The following MKLN1 variants were observed in gnomAD, a reference collection of about 807,000 sequenced individuals.
MKLN1 encodes muskelin.
MKLN1 carries 18 observed loss-of-function variants against 99.0 expected under a neutral mutation model. The ratio of observed to expected loss-of-function variants is 0.18; its 90% CI spans 0.13 to 0.27. The LOEUF is 0.27. Ranked by LOEUF, MKLN1 falls within the 10% of genes least tolerant of loss-of-function variation. The probability of loss-of-function intolerance (pLI) is 1.00; values close to 1 mark genes in which losing one functional copy is unlikely to be tolerated. For synonymous variants in MKLN1, 288 were observed against 293.2 expected (o/e 0.98, Z 0.18); for missense variants, 621 against 875.9 (o/e 0.71, Z 3.67).
chr7:131,375,333 A>G (rs961572102), intron 1 of MKLN1, 91 bp from the exon 2 acceptor site: 8 of 813,122 alleles, frequency 9.8e-6, no homozygotes. Context: ...CAAACATTAC[A>G]TAACTTTATG....
intron 8 of MKLN1, among the ~76,000 whole-genome samples, chr7:131,419,873 C>T (rs1795139693): frequency 6.6e-6 from 1 of 152,080 alleles, no homozygotes; most frequent in Admixed American, 6.5e-5. Flanking sequence ...AACCTACATG[C>T]AGAGTGAAGT....
intron 3 of MKLN1, among the ~76,000 whole-genome samples, chr7:131,293,852 A>G (rs1798254965): frequency 6.6e-6 from 1 of 152,108 alleles, no homozygotes; most frequent in Non-Finnish European, 1.5e-5. Flanking sequence ...ATGAAAAGCA[A>G]ATAAAGTAGG....
chr7:131,133,131 G>T (rs149569183), intron 1 of MKLN1, among the ~76,000 whole-genome samples: 1 of 151,576 alleles, frequency 6.6e-6, no homozygotes, highest in East Asian at 1.9e-4. Flanking sequence ...TTGTGGGGTA[G>T]CAGGCTCACT....
At chr7:131,340,540 A>G (rs560468347) in intron 1 of MKLN1, among the ~76,000 whole-genome samples, 23 of 152,034 alleles carry the variant, frequency 1.5e-4, no homozygotes, top group Non-Finnish European at 2.4e-4. Context: ...TGGCCTCCCA[A>G]AGTGCTGGGA....
chr7:131,375,364 ATTAT>A, intron 1 of MKLN1, 56 bp from the exon 2 acceptor site: 1 of 1,030,330 alleles, frequency 9.7e-7, no homozygotes, highest in Non-Finnish European at 1.5e-6. Flanking sequence ...CATCTGGTAG[ATTAT>A]TCCTGTTTTT....
intron 2 of MKLN1, among the ~76,000 whole-genome samples, chr7:131,376,514 C>T (rs1307587747): frequency 6.6e-5 from 10 of 151,116 alleles, no homozygotes; most frequent in Admixed American, 5.3e-4. Context: ...TGGTGGCACA[C>T]GCCTATAGTC....
At chr7:131,294,960 G>A (rs1230389946) in intron 3 of MKLN1, among the ~76,000 whole-genome samples, 2 of 152,116 alleles carry the variant, frequency 1.3e-5, no homozygotes, top group Non-Finnish European at 2.9e-5. Context: ...GAGGACGACG[G>A]GAGGATGGGG....
intron 4 of MKLN1, among the ~76,000 whole-genome samples, chr7:131,393,436 A>T (rs1224566611): frequency 6.6e-6 from 1 of 152,122 alleles, no homozygotes; most frequent in South Asian, 2.1e-4. Context: ...AATTAATTAT[A>T]TTGTTTATTC....
chr7:131,446,924 A>G (rs1392909529), intron 12 of MKLN1, among the ~76,000 whole-genome samples: 1 of 152,252 alleles, frequency 6.6e-6, no homozygotes, highest in African/African-American at 2.4e-5. Flanking sequence ...GGAGGTTTCC[A>G]GATAAAAGTA....
intron 3 of MKLN1, among the ~76,000 whole-genome samples, chr7:131,271,062 T>G (rs990917811): frequency 6.6e-6 from 1 of 152,102 alleles, no homozygotes; most frequent in Non-Finnish European, 1.5e-5. Context: ...GAAATAAAAA[T>G]ATAAGATTCG....
chr7:131,136,393 C>T (rs1353446683), intron 1 of MKLN1, among the ~76,000 whole-genome samples: 3 of 152,046 alleles, frequency 2.0e-5, no homozygotes, highest in African/African-American at 4.8e-5. Flanking sequence ...GGAGATGGAC[C>T]AAGTGGTCGC....
Position 131,142,837 on chromosome 7 carries a change from C to T in MKLN1, c.-401C>T, listed in dbSNP as rs1795756698. On this transcript the variant is annotated 5_prime_UTR_variant, in exon 2 of 8. Coordinates refer to the MKLN1 transcript ENST00000416992. ...TTTTCCAGAGTTCCATATCCAGACT[C>T]TCAAACCATGTTTTGGGATCATCCA... 14 of 1,163,956 alleles carry T rather than the reference C, an allele frequency of 1.2e-5. No individual in the cohort carries two copies. In the South Asian group the frequency reaches 1.7e-4, roughly 14 times the overall value. The allele number at this position is 1,163,956 out of a possible 1,614,324, so 72.1% of individuals were successfully genotyped here.
chr7:131,427,442 C>T lies in MKLN1; in HGVS notation c.848-1591C>T, dbSNP rs114856371. Among the ~76,000 whole-genome samples the T allele has an allele frequency of 3.7e-3, 568 of 152,182 alleles. 6 individuals carry two copies. The highest frequency in any genetic ancestry group is 0.013 in the African/African-American group (546 of 41,504). On this transcript the variant is annotated intron_variant, in intron 8 of 17. Transcript: ENST00000352689. ...AGAGAGTACATGACTTTACAGTTTT[C>T]GTATAGTGTTTTATTTAACATTAAA... is the stretch of plus-strand genomic sequence containing the variant.
intron 3 of MKLN1, among the ~76,000 whole-genome samples, chr7:131,317,765 C>CAAAAAAAAAAA (rs146525048): frequency 8.0e-5 from 4 of 49,978 alleles, no homozygotes; most frequent in Non-Finnish European, 1.6e-4. Context: ...AAATGGAAAG[C>CAAAAAAAAAAA]AAAAAAAAAA....
intron 17 of MKLN1, among the ~76,000 whole-genome samples, chr7:131,479,420 C>T (rs1797056804): frequency 6.6e-6 from 1 of 152,036 alleles, no homozygotes; most frequent in Non-Finnish European, 1.5e-5. Context: ...GTCCTAGCTA[C>T]CTAGGAGGTT....
chr7:131,358,284 C>T (rs1799937926), intron 1 of MKLN1, among the ~76,000 whole-genome samples: 1 of 152,216 alleles, frequency 6.6e-6, no homozygotes. Context: ...AATGCTTTCT[C>T]TGCATCTGTT....
intron 3 of MKLN1, among the ~76,000 whole-genome samples, chr7:131,297,293 G>A (rs1358246887): frequency 1.3e-5 from 2 of 152,080 alleles, no homozygotes; most frequent in East Asian, 1.9e-4. Context: ...CCCGGGAGGT[G>A]GAAGTTGCAG....
chr7:131,310,683 A>G (rs982736832), intron 3 of MKLN1: 3 of 152,110 alleles, frequency 2.0e-5, no homozygotes, highest in African/African-American at 4.8e-5. Flanking sequence ...TATAGAGTCA[A>G]CCTCCATTCT....
At chr7:131,336,742 T>A (rs1190598925) in intron 1 of MKLN1, among the ~76,000 whole-genome samples, 4 of 152,150 alleles carry the variant, frequency 2.6e-5, no homozygotes, top group African/African-American at 9.7e-5. Flanking sequence ...ACTCTCCTGC[T>A]TTTATGTTGT....
Sources: gnomAD v4.1 joint callset for allele counts (sites outside exome capture counted in the v4.1 genomes callset) on GRCh38, gnomAD v4.1.1 for gene constraint, MANE v1.5 for transcripts, NCBI Gene and HGNC (gene_info 2026-07-23, HGNC 2026-07-21) for gene names.